The following CUX1 variants were observed in gnomAD, a reference collection of about 807,000 sequenced individuals.
CUX1 encodes cut like homeobox 1.
Under a neutral mutation model 158.8 loss-of-function variants are expected in CUX1, and 31 were observed. The observed-to-expected ratio is 0.20, with a 90% CI of 0.15 to 0.26. The LOEUF (loss-of-function observed/expected upper bound fraction) is 0.26, where lower values mean the gene tolerates loss of function less well. Ranked by LOEUF, CUX1 falls within the 10% of genes least tolerant of loss-of-function variation. The pLI is 1.00. For synonymous variants in CUX1, 879 were observed against 862.1 expected (o/e 1.02, Z -0.34); for missense variants, 1,589 against 2,014.6 (o/e 0.79, Z 4.04).
At chr7:101,848,165 A>T (rs1795905680) in intron 1 of CUX1, among the ~76,000 whole-genome samples, 1 of 152,006 alleles carries the variant, frequency 6.6e-6, no homozygotes, top group Non-Finnish European at 1.5e-5. Context: ...TGAGGCCTAG[A>T]TCGCCCAGGT....
intron 1 of CUX1, among the ~76,000 whole-genome samples, chr7:101,841,506 T>C (rs1795196808): frequency 6.6e-6 from 1 of 152,028 alleles, no homozygotes; most frequent in Non-Finnish European, 1.5e-5. Context: ...GAGTGCATTT[T>C]TTTTCTAACT....
rs183875745 is a variant in CUX1, at chr7:102,252,660, G to T, written c.*3618G>T. ...AAGCTCCCTTGTGATAGCCGAGATG[G>T]CAGGTGTGTGAGTTCTGTCCTAGAC... On this transcript the variant is annotated 3_prime_UTR_variant, in exon 24 of 24. Transcript: ENST00000292535. 2.6e-5 allele frequency: 26 copies of T among 985,406 alleles called. 1 individual carries two copies. The East Asian group carries it at 1.7e-3, about 65-fold the overall frequency. The allele number at this position is 985,406 out of a possible 1,614,324, so 61.0% of individuals were successfully genotyped here.
Position 102,249,540 on chromosome 7 carries a change from G to A in CUX1, c.*498G>A. The A allele has an allele frequency of 2.0e-6, 2 of 985,720 alleles. No individual in the cohort carries two copies. The highest frequency in any genetic ancestry group is 2.4e-6 in the Non-Finnish European group (2 of 829,928). The allele number at this position is 985,720 out of a possible 1,614,324, so 61.1% of individuals were successfully genotyped here. On this transcript the variant is annotated 3_prime_UTR_variant, in exon 24 of 24. Coordinates refer to ENST00000292535, the MANE Select transcript of CUX1 (RefSeq NM_181552.4). The stretch of plus-strand genomic sequence containing the variant: ...GTTCTGGAATAACTCTTACAGCTTT[G>A]CCTTGTGTCCTCCTGTTCCGTGTGG...
chr7:102,147,684 G>C (rs1042893072), intron 8 of CUX1, among the ~76,000 whole-genome samples: 19 of 152,160 alleles, frequency 1.2e-4, no homozygotes, highest in African/African-American at 4.1e-4. Context: ...GGGGACCTCA[G>C]GTATCACAGG....
intron 14 of CUX1, chr7:102,264,790 GC>G (rs1790679752): frequency 6.6e-6 from 1 of 152,592 alleles, no homozygotes; most frequent in African/African-American, 2.4e-5. Context: ...CTTGGTCAAG[GC>G]CCGCTGCTTT....
rs182302121 is a variant in CUX1, at chr7:102,275,671, G to A, written c.1563+312G>A. 2.2e-3 allele frequency among the ~76,000 whole-genome samples: 329 copies of A among 152,266 alleles called. 1 individual carries two copies. The highest frequency in any genetic ancestry group is 7.4e-3 in the African/African-American group (306 of 41,546). The stretch of plus-strand genomic sequence containing the variant: ...GGAGGCGTGGCCTTCAATCTGCAGG[G>A]AGGGGCACCAAGGAAGGATTTAAGC... On this transcript the variant is annotated intron_variant, in intron 17 of 22. Transcript: ENST00000292538.
chr7:102,012,109 C>G (rs1378105022), intron 2 of CUX1, among the ~76,000 whole-genome samples: 5 of 152,118 alleles, frequency 3.3e-5, no homozygotes, highest in African/African-American at 1.2e-4. Flanking sequence ...AATAATTTCA[C>G]CCAATTAGGT....
chr7:102,058,966 C>T (rs973076827), intron 3 of CUX1, among the ~76,000 whole-genome samples: 3 of 152,132 alleles, frequency 2.0e-5, no homozygotes, highest in Non-Finnish European at 2.9e-5. Context: ...AGAAGTGAAG[C>T]GGGGGTGAGC....
At chr7:101,985,654 C>A (rs1209387443) in intron 2 of CUX1, among the ~76,000 whole-genome samples, 2 of 152,198 alleles carry the variant, frequency 1.3e-5, no homozygotes, top group African/African-American at 4.8e-5. Context: ...ATTCCCACAT[C>A]TCAGTTTCCT....
chr7:101,951,647 AG>A (rs895108054), intron 2 of CUX1, among the ~76,000 whole-genome samples: 6 of 152,134 alleles, frequency 3.9e-5, no homozygotes, highest in Non-Finnish European at 8.8e-5. Context: ...CTGGGACTAC[AG>A]GCGTCCGCCA....
chr7:101,975,800 A>T (rs949923733), intron 2 of CUX1, among the ~76,000 whole-genome samples: 4 of 152,012 alleles, frequency 2.6e-5, no homozygotes, highest in African/African-American at 9.7e-5. Flanking sequence ...TCCTTTGTTT[A>T]TTTTGGTTGG....
intron 1 of CUX1, among the ~76,000 whole-genome samples, chr7:101,866,592 G>A (rs1373612458): frequency 6.6e-5 from 10 of 151,912 alleles, no homozygotes; most frequent in South Asian, 2.1e-4. Flanking sequence ...TGATCATACC[G>A]TGGCATTCCA....
chr7:102,176,203 C>A (rs1458444725), intron 10 of CUX1, among the ~76,000 whole-genome samples: 2 of 152,246 alleles, frequency 1.3e-5, no homozygotes, highest in South Asian at 4.1e-4. Context: ...CTCATTTTCC[C>A]CGAGGGAGAT....
At chr7:102,217,283 A>G (rs1027283798) in intron 20 of CUX1, among the ~76,000 whole-genome samples, 26 of 152,232 alleles carry the variant, frequency 1.7e-4, no homozygotes, top group African/African-American at 5.3e-4. Flanking sequence ...TGCTTTTGAT[A>G]TGCTTATTTC....
intron 2 of CUX1, among the ~76,000 whole-genome samples, chr7:101,998,434 A>G (rs1467646632): frequency 6.6e-6 from 1 of 152,184 alleles, no homozygotes; most frequent in African/African-American, 2.4e-5. Flanking sequence ...AGGGTCGGGC[A>G]GGGATACGCA....
intron 2 of CUX1, among the ~76,000 whole-genome samples, chr7:101,970,654 C>T (rs1489691815): frequency 6.6e-6 from 1 of 152,198 alleles, no homozygotes; most frequent in African/African-American, 2.4e-5. Context: ...CTCCCAGGTT[C>T]AGGCATTGCT....
rs1554540122 is a variant in CUX1, at chr7:102,251,590, T to C, written c.*2548T>C. On this transcript the variant is annotated 3_prime_UTR_variant, in exon 24 of 24. Transcript: ENST00000292535. ...GTTCAGGGAGAAGAGAATTCAAAAT[T>C]AGAGGAGCTTAAGGGGACACGGGTC... 1.0e-6 allele frequency: 1 copy of C among 985,270 alleles called. No homozygotes were observed. The highest frequency in any genetic ancestry group is 1.1e-4 in the East Asian group (1 of 8,832). The allele number at this position is 985,270 out of a possible 1,614,324, so 61.0% of individuals were successfully genotyped here. A position where few individuals can be genotyped will look rare whatever the true frequency, so the allele number is the denominator to read the frequency against.
chr7:102,178,924 G>A (rs781808503), intron 11 of CUX1, among the ~76,000 whole-genome samples: 1 of 152,226 alleles, frequency 6.6e-6, no homozygotes, highest in Non-Finnish European at 1.5e-5. Context: ...GAGCACGGTG[G>A]TGCAATCTCG....
chr7:101,864,403 C>A (rs1398945090), intron 1 of CUX1, among the ~76,000 whole-genome samples: 2 of 152,078 alleles, frequency 1.3e-5, no homozygotes, highest in African/African-American at 4.8e-5. Flanking sequence ...CTCAAGCGAT[C>A]CTGCTGCCTT....
Sources: gnomAD v4.1 joint callset for allele counts (sites outside exome capture counted in the v4.1 genomes callset) on GRCh38, gnomAD v4.1.1 for gene constraint, MANE v1.5 for transcripts, NCBI Gene and HGNC (gene_info 2026-07-23, HGNC 2026-07-21) for gene names.